The following FERMT2 variants were observed in gnomAD, a reference collection of about 807,000 sequenced individuals.
FERMT2 encodes the protein FERM domain containing kindlin 2, also known as fermitin family homolog 2.
A neutral mutation model predicts 82.7 loss-of-function variants in FERMT2; 15 were observed. That is an observed-to-expected ratio of 0.18 (90% CI 0.12 to 0.28). FERMT2 has a LOEUF of 0.28. FERMT2 is among the 10% of genes least tolerant of loss of function. The probability of loss-of-function intolerance (pLI) is 1.00; values close to 1 mark genes in which losing one functional copy is unlikely to be tolerated. For missense variants in FERMT2, 645 were observed against 809.4 expected (o/e 0.80, Z 2.46); for synonymous variants, 274 against 271.5 (o/e 1.01, Z -0.09).
intron 3 of FERMT2, among the ~76,000 whole-genome samples, chr14:52,918,223 T>C (rs1888731270): frequency 6.6e-6 from 1 of 152,102 alleles, no homozygotes; most frequent in African/African-American, 2.4e-5. Flanking sequence ...GTATAACACA[T>C]AGAAAGATCT....
chr14:52,948,300 T>C (rs540238015), intron 2 of FERMT2, among the ~76,000 whole-genome samples: 5 of 152,384 alleles, frequency 3.3e-5, no homozygotes, highest in African/African-American at 1.2e-4. Flanking sequence ...TACAAAGTTC[T>C]TTTCTAATTT....
At chr14:52,889,583 A>G (rs1886810395) in intron 4 of FERMT2, among the ~76,000 whole-genome samples, 1 of 152,164 alleles carries the variant, frequency 6.6e-6, no homozygotes, top group African/African-American at 2.4e-5. Flanking sequence ...TGCACCTACT[A>G]ACAATAGGGA....
intron 2 of FERMT2, among the ~76,000 whole-genome samples, chr14:52,942,866 C>G (rs7157315): frequency 0.12 from 17,611 of 152,086 alleles, 1,279 homozygotes; most frequent in Middle Eastern, 0.18. Context: ...TAATAGTAAG[C>G]TAAGAAGTAA....
At chr14:52,871,186 C>G (rs1885600990) in intron 10 of FERMT2, among the ~76,000 whole-genome samples, 1 of 152,180 alleles carries the variant, frequency 6.6e-6, no homozygotes, top group Non-Finnish European at 1.5e-5. Flanking sequence ...TAGCTCTATT[C>G]CGAATTTAAG....
At chr14:52,945,274 C>T (rs940190737) in intron 2 of FERMT2, among the ~76,000 whole-genome samples, 1 of 151,238 alleles carries the variant, frequency 6.6e-6, no homozygotes, top group Non-Finnish European at 1.5e-5. Context: ...GGCGGGGGGA[C>T]GGAATCTCGC....
chr14:52,927,545 G>A (rs996426624), intron 2 of FERMT2, among the ~76,000 whole-genome samples: 2 of 126,022 alleles, frequency 1.6e-5, no homozygotes, highest in Non-Finnish European at 3.1e-5. Flanking sequence ...GGCTTGAGCC[G>A]AAGCGTTCAA....
chr14:52,950,808 C>A, intron 1 of FERMT2, 113 bp downstream of exon 1: 2 of 395,408 alleles, frequency 5.1e-6, no homozygotes, highest in South Asian at 5.9e-5. Flanking sequence ...CCCCGCCTAG[C>A]GGACCGCGGA....
intron 10 of FERMT2, among the ~76,000 whole-genome samples, chr14:52,865,706 GC>G (rs528201974): frequency 6.4e-4 from 98 of 152,212 alleles, no homozygotes; most frequent in African/African-American, 2.4e-3. Context: ...TGTTAGTAGG[GC>G]TTGCTTTTTC....
At chr14:52,931,443 G>A (rs1889563502) in intron 2 of FERMT2, among the ~76,000 whole-genome samples, 1 of 152,172 alleles carries the variant, frequency 6.6e-6, no homozygotes, top group African/African-American at 2.4e-5. Context: ...ATTTGATTAT[G>A]AAGCACAAAT....
At position 52,881,046 on chromosome 14, in the gene FERMT2, A is replaced by C. The variant is rs755810684; in HGVS notation, c.845T>G (p.Leu282Trp). ...TTAAACCCTCGGTACCTTTGGATTC[A>C]AATCAAAAAAGCTGTAATACTTGAA... ...LRFKYYSFFDLNPKYDAIRIN... is the reference protein window; with the variant it reads ...LRFKYYSFFDWNPKYDAIRIN... The change falls in exon 6 of 15, where the codon TTG becomes TGG. Residue 282 changes from leucine (L) to tryptophan (W), a missense_variant. Physicochemically the swap from Leu to Trp is moderately conservative, Grantham distance 61. Transcript: ENST00000341590. 6.2e-7 allele frequency: 1 copy of C among 1,608,470 alleles called. No homozygotes were observed. The highest frequency in any genetic ancestry group is 8.5e-7 in the Non-Finnish European group (1 of 1,176,742).
rs1285576131 is a variant in FERMT2, at chr14:52,899,321, C to T, written c.392-5894G>A. 2.6e-5 allele frequency among the ~76,000 whole-genome samples: 4 copies of T among 152,056 alleles called. No individual in the cohort carries two copies. In the East Asian group the frequency reaches 7.7e-4, roughly 29 times the overall value. On this transcript the variant is annotated intron_variant, in intron 3 of 14. Coordinates refer to ENST00000341590, the MANE Select transcript of FERMT2 (RefSeq NM_006832.3). ...TTTTTGAGACGGAGTCTTGCTCTGT[C>T]GCCCAGGCTGGAGTGCAGTGCCACA...
At chr14:52,860,949 G>C in intron 12 of FERMT2, 1 of 1,187,650 alleles carries the variant, frequency 8.4e-7, no homozygotes, top group Non-Finnish European at 1.2e-6. Flanking sequence ...AATTCCATGA[G>C]GGAAGGTTGT....
At chr14:52,925,495 G>T (rs371438973) in intron 2 of FERMT2, among the ~76,000 whole-genome samples, 1 of 147,960 alleles carries the variant, frequency 6.8e-6, no homozygotes, top group Non-Finnish European at 1.5e-5. Flanking sequence ...GGAGGCAGAG[G>T]TTGCAGTGAA....
At chr14:52,883,795 A>G (rs1161534037) in intron 4 of FERMT2, among the ~76,000 whole-genome samples, 1 of 152,144 alleles carries the variant, frequency 6.6e-6, no homozygotes, top group Non-Finnish European at 1.5e-5. Flanking sequence ...GGTACTGTAT[A>G]GTCAGTGACT....
intron 2 of FERMT2, among the ~76,000 whole-genome samples, chr14:52,945,534 G>C (rs142747394): frequency 3.9e-5 from 6 of 152,074 alleles, no homozygotes; most frequent in South Asian, 2.1e-4. Context: ...TATTACAGGC[G>C]TGAGCCACCA....
intron 3 of FERMT2, among the ~76,000 whole-genome samples, chr14:52,902,927 CA>C (rs761269935): frequency 0.032 from 2,015 of 63,826 alleles, 47 homozygotes; most frequent in African/African-American, 0.093. Context: ...TGATAGCCAC[CA>C]AAAAAAAAAA....
intron 2 of FERMT2, among the ~76,000 whole-genome samples, chr14:52,921,950 T>G (rs1888976553): frequency 6.6e-6 from 1 of 152,074 alleles, no homozygotes; most frequent in Admixed American, 6.6e-5. Context: ...GGAAGCTCCA[T>G]CATATACTCC....
Position 52,881,224 on chromosome 14 carries a change from A to G in FERMT2, c.752+20T>C. 6.2e-7 allele frequency: 1 copy of G among 1,605,030 alleles called. No homozygotes were observed. The highest frequency in any genetic ancestry group is 1.3e-5 in the African/African-American group (1 of 74,794). On this transcript the variant is annotated intron_variant, in intron 5 of 14. Transcript: ENST00000341590. ...TAGCTGGATGAAGAAATTCAATTTTATCTATATCTTAAAACTTACCCTTGG... is the reference window on the plus strand; with the variant it reads ...TAGCTGGATGAAGAAATTCAATTTTGTCTATATCTTAAAACTTACCCTTGG...
At chr14:52,948,586 T>C (rs1257279023) in intron 2 of FERMT2, 19 of 455,546 alleles carry the variant, frequency 4.2e-5, no homozygotes, top group Admixed American at 3.3e-4. Flanking sequence ...TTTCTCTGCA[T>C]AAAAAATTAA....
Sources: allele counts gnomAD v4.1 joint callset (sites outside exome capture counted in the v4.1 genomes callset), GRCh38; gene constraint gnomAD v4.1.1; transcripts MANE v1.5; gene names NCBI Gene and HGNC (gene_info 2026-07-23, HGNC 2026-07-21).